RPS6KA2: variants seen among roughly 807,000 people sequenced by gnomAD.
RPS6KA2 encodes ribosomal protein S6 kinase alpha-2.
Under a neutral mutation model 91.8 loss-of-function variants are expected in RPS6KA2, and 42 were observed. The observed-to-expected ratio is 0.46, with a 90% confidence interval of 0.36 to 0.59. RPS6KA2 has a LOEUF of 0.59. RPS6KA2 is among the 20% of genes least tolerant of loss of function. The pLI is 0.00. For synonymous variants in RPS6KA2, 414 were observed against 393.6 expected, an observed-to-expected ratio of 1.05 and a Z score of -0.61; for missense variants, 798 against 978.5, an observed-to-expected ratio of 0.82 and a Z score of 2.46.
chr6:166,557,652 TAGA>T lies in RPS6KA2; in HGVS notation c.100-18871_100-18869del. Among the ~76,000 whole-genome samples, 1 of 152,276 alleles carries T rather than the reference TAGA, an allele frequency of 6.6e-6. No individual in the cohort carries two copies. Among genetic ancestry groups the T allele is most frequent in the Non-Finnish European group, 1.5e-5 (1 of 68,032 alleles). On this transcript the variant is annotated intron_variant, in intron 1 of 20. Coordinates refer to ENST00000265678, the MANE Select transcript of RPS6KA2 (RefSeq NM_021135.6). The surrounding 1 kb of genome is among the most constrained non-coding windows in gnomAD (Gnocchi z 4.8). The stretch of plus-strand genomic sequence containing the variant: ...AGTATTATACCACATAATAGATATA[TAGA>T]AAAGTCCAGGCAACTTACAGAAATA...
At chr6:166,742,271 C>G (rs545670721) in intron 2 of RPS6KA2, among the ~76,000 whole-genome samples, 1 of 152,204 alleles carries the variant, frequency 6.6e-6, no homozygotes, top group Non-Finnish European at 1.5e-5. Flanking sequence ...TGTCCACGCA[C>G]AGGAGTGAAC....
chr6:166,682,778 TG>T lies in RPS6KA2; in HGVS notation c.124-143995del, dbSNP rs200727521. 4.5e-3 allele frequency among the ~76,000 whole-genome samples: 683 copies of T among 152,326 alleles called. 6 individuals are homozygous for T. The highest frequency in any genetic ancestry group is 0.015 in the African/African-American group (637 of 41,576). On this transcript the variant is annotated intron_variant, in intron 2 of 21. Coordinates refer to the RPS6KA2 transcript ENST00000503859. The stretch of plus-strand genomic sequence containing the variant: ...CCAGCAAAATAACAGCCCTACTGCC[TG>T]TCCTCAGAGCGCCCTATGACCACCA...
chr6:166,792,975 AGTCAACAT>A, intron 2 of RPS6KA2, among the ~76,000 whole-genome samples: 1 of 152,192 alleles, frequency 6.6e-6, no homozygotes, highest in African/African-American at 2.4e-5. Flanking sequence ...CACCACTCCT[AGTCAACAT>A]AGTGTTGGAA....
chr6:166,744,609 T>C (rs1156633560), intron 2 of RPS6KA2, among the ~76,000 whole-genome samples: 1 of 152,146 alleles, frequency 6.6e-6, no homozygotes, highest in Non-Finnish European at 1.5e-5. Flanking sequence ...GGGCCCACCC[T>C]GTGGGCCAGG....
chr6:166,483,469 CAG>C (rs1444650586), intron 10 of RPS6KA2, among the ~76,000 whole-genome samples: 1 of 152,086 alleles, frequency 6.6e-6, no homozygotes, highest in East Asian at 1.9e-4. Context: ...CGCAAACGCT[CAG>C]GGGAAAGGAA....
intron 2 of RPS6KA2, among the ~76,000 whole-genome samples, chr6:166,846,519 G>A (rs1780609582): frequency 6.6e-6 from 1 of 152,192 alleles, no homozygotes; most frequent in East Asian, 1.9e-4. Flanking sequence ...CCATGATCAA[G>A]TGGGTTTCAT....
intron 1 of RPS6KA2, among the ~76,000 whole-genome samples, chr6:166,615,123 A>C (rs1331665823): frequency 6.6e-6 from 1 of 152,122 alleles, no homozygotes; most frequent in Non-Finnish European, 1.5e-5. Context: ...TGCCATTGAA[A>C]TCCCAGCAGG....
chr6:166,542,731 G>A (rs1397719946), intron 1 of RPS6KA2, among the ~76,000 whole-genome samples: 1 of 152,204 alleles, frequency 6.6e-6, no homozygotes, highest in African/African-American at 2.4e-5. Context: ...AGAAAGATGA[G>A]GGCGGTTGGC....
At chr6:166,645,057 G>A (rs771273625) in intron 2 of RPS6KA2, among the ~76,000 whole-genome samples, 2 of 152,124 alleles carry the variant, frequency 1.3e-5, no homozygotes, top group Non-Finnish European at 2.9e-5. Flanking sequence ...TTGGAGTTCT[G>A]GTCTCCAAAA....
chr6:166,510,900 T>C (rs930808366), intron 3 of RPS6KA2, among the ~76,000 whole-genome samples: 3 of 152,116 alleles, frequency 2.0e-5, no homozygotes, highest in Non-Finnish European at 2.9e-5. Context: ...CCTCGCCCTG[T>C]ATTTTTTCGT....
rs1215323825 is a variant in RPS6KA2, at chr6:166,662,625, G to A, written c.124-123841C>T. On this transcript the variant is annotated intron_variant, in intron 2 of 21. Coordinates refer to the RPS6KA2 transcript ENST00000503859. The surrounding 1 kb of genome is among the most constrained non-coding windows in gnomAD (Gnocchi z 4.3). Reference sequence around the variant, plus strand: ...GACACAGATTCAGATATAGTGTTGGGAGTATATGAATTTGACTTGTGTATC... The same window carrying A: ...GACACAGATTCAGATATAGTGTTGGAAGTATATGAATTTGACTTGTGTATC... 1.3e-5 allele frequency among the ~76,000 whole-genome samples: 2 copies of A among 152,134 alleles called. No individual in the cohort carries two copies. Among genetic ancestry groups the A allele is most frequent in the Non-Finnish European group, 1.5e-5 (1 of 68,034 alleles).
At position 166,766,789 on chromosome 6, in the gene RPS6KA2, T is replaced by G. The variant is rs529538561; in HGVS notation, c.123+91411A>C. On this transcript the variant is annotated intron_variant, in intron 2 of 21. Transcript: ENST00000503859. ...AAACAGAATTTGTCTCTTCAGCGGT[T>G]GTTTGGGGCTGGAACGCAGAAGCAC... 2.8e-3 allele frequency among the ~76,000 whole-genome samples: 422 copies of G among 152,246 alleles called. 3 individuals are homozygous for G. Among genetic ancestry groups the G allele is most frequent in the Non-Finnish European group, 5.3e-3 (359 of 68,038 alleles).
In RPS6KA2 at chr6:166,703,276, A is replaced by G. The variant is rs78609702; in HGVS notation, c.123+154924T>C. 9.1e-3 allele frequency among the ~76,000 whole-genome samples: 1,389 copies of G among 152,352 alleles called. 28 individuals carry two copies. Among genetic ancestry groups the G allele is most frequent in the African/African-American group, 0.03 (1,231 of 41,578 alleles). ...CCTTCCCAATTATGTTACTATGGGA[A>G]CAGCTAGAAACATTTCAAATGTTAA... is the stretch of plus-strand genomic sequence containing the variant. On this transcript the variant is annotated intron_variant, in intron 2 of 21. Transcript: ENST00000503859.
At chr6:166,570,995 T>C (rs1784668439) in intron 1 of RPS6KA2, among the ~76,000 whole-genome samples, 3 of 152,192 alleles carry the variant, frequency 2.0e-5, no homozygotes, top group Non-Finnish European at 4.4e-5. Flanking sequence ...TAATAAAGAA[T>C]AGCATAGGAA....
chr6:166,462,217 C>T (rs890823439), intron 11 of RPS6KA2, among the ~76,000 whole-genome samples: 3 of 152,360 alleles, frequency 2.0e-5, no homozygotes, highest in East Asian at 1.9e-4. Context: ...GATGTTGAGG[C>T]GACTGGCCAC....
intron 2 of RPS6KA2, among the ~76,000 whole-genome samples, chr6:166,537,917 G>A (rs887834632): frequency 1.3e-5 from 2 of 152,230 alleles, no homozygotes; most frequent in Admixed American, 6.5e-5. Context: ...AGTAAGTCAC[G>A]TGTCATCATA....
chr6:166,704,349 G>A (rs1789616416), intron 2 of RPS6KA2, among the ~76,000 whole-genome samples: 2 of 152,234 alleles, frequency 1.3e-5, no homozygotes, highest in African/African-American at 2.4e-5. Context: ...GACGAGGCAT[G>A]CGCATACTGC....
rs1227682736 is a variant in RPS6KA2 at position 166,490,764 on chromosome 6, G to A, written c.748-23C>T. The A allele has an allele frequency of 1.3e-6, 2 of 1,592,980 alleles. No individual in the cohort carries two copies. The highest frequency in any genetic ancestry group is 3.4e-5 in the Admixed American group (2 of 59,424). ...AAACTGCAGAGCAACACAGAGCACA[G>A]TGAGTTCATTCATCCAGATGGACCC... On this transcript the variant is annotated intron_variant, in intron 8 of 20. Coordinates refer to ENST00000265678, the MANE Select transcript of RPS6KA2 (RefSeq NM_021135.6). This position sits in a 1 kb window ranked among gnomAD's most constrained non-coding sequence, Gnocchi z 4.2.
At chr6:166,712,460 C>T (rs1350009786) in intron 2 of RPS6KA2, among the ~76,000 whole-genome samples, 3 of 152,232 alleles carry the variant, frequency 2.0e-5, no homozygotes, top group Non-Finnish European at 2.9e-5. Context: ...AGTTAACAGC[C>T]TTCAGGAAGG....
Sources: allele counts gnomAD v4.1 joint callset (sites outside exome capture counted in the v4.1 genomes callset), GRCh38; gene constraint gnomAD v4.1.1; non-coding constraint Gnocchi (gnomAD v3.1); transcripts MANE v1.5; gene names NCBI Gene and HGNC (gene_info 2026-07-23, HGNC 2026-07-21).